Variants in SLC36A2 observed in about 807,000 individuals in gnomAD.
The protein encoded by SLC36A2 is solute carrier family 36 member 2.
SLC36A2 carries 39 observed loss-of-function variants against 42.7 expected under a neutral mutation model. That is an observed-to-expected ratio of 0.91 (90% CI 0.71 to 1.19). SLC36A2 has a LOEUF of 1.19. Ranked by LOEUF, SLC36A2 falls within the 50% of genes most tolerant of loss-of-function variation. SLC36A2 has a pLI of 0.00. For synonymous variants in SLC36A2, 237 were observed against 240.8 expected, an observed-to-expected ratio of 0.98 and a Z score of 0.15; for missense variants, 590 against 613.7, an observed-to-expected ratio of 0.96 and a Z score of 0.41.
chr5:151,322,552 T>C (rs1755724890), intron 8 of SLC36A2, among the ~76,000 whole-genome samples: 1 of 152,210 alleles, frequency 6.6e-6, no homozygotes, highest in African/African-American at 2.4e-5. Flanking sequence ...TCAGGCCAGA[T>C]ACTTTGCCCA....
At chr5:151,344,587 G>A (rs917797541) in intron 1 of SLC36A2, among the ~76,000 whole-genome samples, 7 of 152,190 alleles carry the variant, frequency 4.6e-5, no homozygotes, top group Non-Finnish European at 1.0e-4. Flanking sequence ...TTATCATCTT[G>A]CAGGTGAAGA....
chr5:151,315,951 T>C lies in SLC36A2; in HGVS notation c.*866A>G, dbSNP rs1315028968. ...GAAAATGTTATCTAATCGTTTGAAA[T>C]GTTTGTTGCCCCTCATTTAATATGC... is the stretch of plus-strand genomic sequence containing the variant. On this transcript the variant is annotated 3_prime_UTR_variant, in exon 10 of 10. Transcript: ENST00000335244. The C allele has an allele frequency of 1.3e-5, 2 of 152,372 alleles. No homozygotes were observed. The highest frequency in any genetic ancestry group is 3.9e-4 in the East Asian group (2 of 5,188). The allele number at this position is 152,372 out of a possible 1,614,324, so 9.4% of individuals were successfully genotyped here.
At position 151,344,161 on chromosome 5, in the gene SLC36A2, G is replaced by A; in HGVS notation, c.255+16C>T. The A allele has an allele frequency of 6.2e-7, 1 of 1,612,246 alleles. No individual in the cohort carries two copies. The highest frequency in any genetic ancestry group is 8.5e-7 in the Non-Finnish European group (1 of 1,178,754). On this transcript the variant is annotated intron_variant, in intron 2 of 9. Transcript: ENST00000335244. ...GCAACTGACCATAAAGCCCCCACAT[G>A]TGGCGCCTCTCTTACCAGGATGCCC...
At chr5:151,329,896 A>C (rs188087178) in intron 7 of SLC36A2, among the ~76,000 whole-genome samples, 2 of 152,338 alleles carry the variant, frequency 1.3e-5, no homozygotes, top group Admixed American at 6.5e-5. Context: ...TCAAAACTGC[A>C]GTATTCATGG....
intron 4 of SLC36A2, among the ~76,000 whole-genome samples, chr5:151,340,229 AAGG>A (rs1756298564): frequency 2.1e-5 from 3 of 141,708 alleles, no homozygotes; most frequent in African/African-American, 7.9e-5. Context: ...GAGGAGGAGG[AAGG>A]GGAGGAGGAG....
At chr5:151,334,984 G>A (rs1756108251) in intron 6 of SLC36A2, among the ~76,000 whole-genome samples, 1 of 151,870 alleles carries the variant, frequency 6.6e-6, no homozygotes, top group African/African-American at 2.4e-5. Context: ...ACTTTTAGCT[G>A]TAGTACAAGA....
intron 5 of SLC36A2, among the ~76,000 whole-genome samples, chr5:151,336,519 A>AT (rs1482259481): frequency 6.8e-6 from 1 of 146,952 alleles, no homozygotes; most frequent in Non-Finnish European, 1.5e-5. Context: ...CTGTTTCCTA[A>AT]TTAACATATA....
intron 2 of SLC36A2, 81 bp downstream of exon 2, chr5:151,344,096 G>A (rs761429207): frequency 2.2e-5 from 28 of 1,300,904 alleles, no homozygotes; most frequent in Non-Finnish European, 2.8e-5. Flanking sequence ...CTCACCACAG[G>A]TTGCTAAACC....
intron 9 of SLC36A2, among the ~76,000 whole-genome samples, chr5:151,317,365 T>G (rs2127281757): frequency 6.6e-6 from 1 of 150,932 alleles, no homozygotes; most frequent in Non-Finnish European, 1.5e-5. Flanking sequence ...GGCAGGAGAA[T>G]CACTTGAACC....
At chr5:151,330,139 G>C (rs771423894) in intron 7 of SLC36A2, among the ~76,000 whole-genome samples, 2 of 151,926 alleles carry the variant, frequency 1.3e-5, no homozygotes, top group Non-Finnish European at 2.9e-5. Context: ...AAAGAGATTG[G>C]TGAAGAAAAA....
At chr5:151,336,008 A>C (rs890260900) in intron 5 of SLC36A2, among the ~76,000 whole-genome samples, 3 of 151,914 alleles carry the variant, frequency 2.0e-5, no homozygotes, top group African/African-American at 7.2e-5. Flanking sequence ...GTATCCACAA[A>C]AAAAAAAAAA....
At position 151,338,775 on chromosome 5, in the gene SLC36A2, T is replaced by C. The variant is rs181543196; in HGVS notation, c.525+285A>G. 2.4e-4 allele frequency: 75 copies of C among 318,888 alleles called. 2 individuals are homozygous for C. Among genetic ancestry groups the C allele is most frequent in the Non-Finnish European group, 5.5e-5 (9 of 162,968 alleles). The allele number at this position is 318,888 out of a possible 1,614,324, so 19.8% of individuals were successfully genotyped here. ...TTAGAAGCGTTAAGTATAATTAAGC[T>C]TCAAGGCAGGAGGATTAACAAAATC... On this transcript the variant is annotated intron_variant, in intron 5 of 9. Coordinates refer to ENST00000335244, the MANE Select transcript of SLC36A2 (RefSeq NM_181776.3).
intron 8 of SLC36A2, among the ~76,000 whole-genome samples, chr5:151,323,775 C>T (rs958193254): frequency 1.3e-5 from 2 of 152,172 alleles, no homozygotes; most frequent in South Asian, 2.1e-4. Flanking sequence ...CCATTCCCAC[C>T]GGATCAGGAG....
intron 5 of SLC36A2, among the ~76,000 whole-genome samples, chr5:151,336,164 C>G (rs777640517): frequency 2.6e-5 from 4 of 152,160 alleles, no homozygotes; most frequent in African/African-American, 4.8e-5. Flanking sequence ...TTGAATGCAG[C>G]CTTTGAGGAC....
chr5:151,347,554 C>G lies in SLC36A2; in HGVS notation c.-94G>C. ...TGTCTAGTGTAGATGTACACCCCAG[C>G]ACAGTGGTGTGTGCCCGGGCTGGCT... On this transcript the variant is annotated 5_prime_UTR_variant, in exon 1 of 10. Coordinates refer to ENST00000335244, the MANE Select transcript of SLC36A2 (RefSeq NM_181776.3). 1 of 1,488,666 alleles carries G rather than the reference C, an allele frequency of 6.7e-7. No homozygotes were observed. The highest frequency in any genetic ancestry group is 1.1e-5 in the South Asian group (1 of 87,816). The allele number at this position is 1,488,666 out of a possible 1,614,324, so 92.2% of individuals were successfully genotyped here.
intron 5 of SLC36A2, among the ~76,000 whole-genome samples, chr5:151,338,267 G>A (rs1415049456): frequency 6.6e-5 from 10 of 152,228 alleles, no homozygotes; most frequent in Admixed American, 5.9e-4. Context: ...TAAACTTACT[G>A]ATTAAGGATG....
At chr5:151,343,370 G>A in intron 3 of SLC36A2, 140 bp downstream of exon 3, 2 of 865,810 alleles carry the variant, frequency 2.3e-6, no homozygotes, top group South Asian at 2.8e-5. Context: ...TGAGCTCCCT[G>A]CCCCTGAATG....
chr5:151,336,539 A>G (rs950339280), intron 5 of SLC36A2, among the ~76,000 whole-genome samples: 2 of 145,474 alleles, frequency 1.4e-5, no homozygotes, highest in Non-Finnish European at 3.0e-5. Context: ...ACGCTTACTG[A>G]TTCCTAATTG....
chr5:151,343,649 A>T (rs1756412623), intron 2 of SLC36A2, 51 bp from the exon 3 acceptor site: 1 of 1,510,888 alleles, frequency 6.6e-7, no homozygotes, highest in East Asian at 2.3e-5. Context: ...GAATGCATTT[A>T]TGAAGAATAC....
Sources: allele counts gnomAD v4.1 joint callset (sites outside exome capture counted in the v4.1 genomes callset), GRCh38; gene constraint gnomAD v4.1.1; transcripts MANE v1.5; gene names NCBI Gene and HGNC (gene_info 2026-07-23, HGNC 2026-07-21).